The following PCDH7 variants were observed in gnomAD, a reference collection of about 807,000 sequenced individuals.
PCDH7 encodes protocadherin 7.
Under a neutral mutation model 58.9 loss-of-function variants are expected in PCDH7, and 17 were observed. The ratio of observed to expected loss-of-function variants is 0.29; its 90% confidence interval spans 0.20 to 0.43. The LOEUF is 0.43. PCDH7 is among the 20% of genes least tolerant of loss of function. The pLI, the probability that PCDH7 is intolerant of heterozygous loss-of-function variation, is 1.00. For missense variants in PCDH7, 1,274 were observed against 1,441.0 expected (o/e 0.88, Z 1.88); for synonymous variants, 664 against 616.4 (o/e 1.08, Z -1.14).
intron 3 of PCDH7, among the ~76,000 whole-genome samples, chr4:31,101,043 A>G (rs1442265152): frequency 6.6e-6 from 1 of 152,000 alleles, no homozygotes; most frequent in African/African-American, 2.4e-5. Flanking sequence ...ACAGGAGAGG[A>G]AAAAAAATGT....
At chr4:31,027,570 G>T (rs921906611) in intron 3 of PCDH7, among the ~76,000 whole-genome samples, 3 of 151,878 alleles carry the variant, frequency 2.0e-5, no homozygotes, top group African/African-American at 7.3e-5. Context: ...TTATAGCCAT[G>T]CACCACCACG....
intron 1 of PCDH7, among the ~76,000 whole-genome samples, chr4:30,868,010 T>C (rs950999516): frequency 6.6e-6 from 1 of 152,028 alleles, no homozygotes; most frequent in African/African-American, 2.4e-5. Flanking sequence ...TGAAGCCACA[T>C]TAGTTATTAT....
chr4:31,101,156 A>G (rs1256620006), intron 3 of PCDH7, among the ~76,000 whole-genome samples: 1 of 152,130 alleles, frequency 6.6e-6, no homozygotes, highest in Non-Finnish European at 1.5e-5. Flanking sequence ...AAATGAAAGT[A>G]ATGTATTAGC....
intron 1 of PCDH7, among the ~76,000 whole-genome samples, chr4:30,857,788 G>A (rs1733672293): frequency 6.6e-6 from 1 of 152,052 alleles, no homozygotes; most frequent in African/African-American, 2.4e-5. Flanking sequence ...ATTTATATTA[G>A]CCTTTTTTGT....
chr4:31,054,795 T>C (rs2109226474), intron 3 of PCDH7, among the ~76,000 whole-genome samples: 1 of 152,290 alleles, frequency 6.6e-6, no homozygotes, highest in South Asian at 2.1e-4. Flanking sequence ...TTTTTGTTGG[T>C]ATCGTTCAGG....
intron 3 of PCDH7, among the ~76,000 whole-genome samples, chr4:30,966,758 C>T (rs1311436622): frequency 6.6e-6 from 1 of 152,076 alleles, no homozygotes; most frequent in African/African-American, 2.4e-5. Flanking sequence ...GGGAACAAAA[C>T]TCTCCTCAGA....
At chr4:30,947,656 T>G (rs1231874911) in intron 2 of PCDH7, among the ~76,000 whole-genome samples, 3 of 152,208 alleles carry the variant, frequency 2.0e-5, no homozygotes, top group African/African-American at 7.2e-5. Context: ...TCAGAGTAAT[T>G]AGCATATGTC....
rs186690809 is a variant in PCDH7 at position 30,856,457 on chromosome 4, T to C, written c.71-63696T>C. The stretch of plus-strand genomic sequence containing the variant: ...AATACAGATTAAACTTTGAGCTTCT[T>C]AAATAATTCAAGATGATAGGATTTT... On this transcript the variant is annotated intron_variant, in intron 1 of 3. Coordinates refer to the PCDH7 transcript ENST00000509759. Among the ~76,000 whole-genome samples the C allele has an allele frequency of 8.4e-4, 128 of 152,174 alleles. 1 individual carries two copies. The highest frequency in any genetic ancestry group is 2.9e-3 in the African/African-American group (122 of 41,544).
intron 3 of PCDH7, among the ~76,000 whole-genome samples, chr4:31,054,368 A>G (rs968766861): frequency 2.0e-5 from 3 of 152,210 alleles, no homozygotes; most frequent in Non-Finnish European, 2.9e-5. Context: ...AGGGCTGAAA[A>G]TTATTAACAT....
At chr4:30,763,431 G>A (rs1008256961) in intron 1 of PCDH7, among the ~76,000 whole-genome samples, 3 of 152,108 alleles carry the variant, frequency 2.0e-5, no homozygotes, top group Non-Finnish European at 2.9e-5. Flanking sequence ...AAATTATTTC[G>A]AATGTCAACA....
At chr4:30,882,704 T>G (rs1737144322) in intron 1 of PCDH7, among the ~76,000 whole-genome samples, 1 of 152,212 alleles carries the variant, frequency 6.6e-6, no homozygotes, top group Admixed American at 6.5e-5. Context: ...CATGCTTTAC[T>G]CTTTGAAGAG....
chr4:31,004,199 T>G (rs1394032920), intron 3 of PCDH7, among the ~76,000 whole-genome samples: 1 of 152,016 alleles, frequency 6.6e-6, no homozygotes, highest in Non-Finnish European at 1.5e-5. Context: ...TTGTATGTAA[T>G]CGATAGTTAT....
chr4:31,091,211 T>C lies in PCDH7; in HGVS notation c.*8-51262T>C, dbSNP rs73812527. Among the ~76,000 whole-genome samples the C allele has an allele frequency of 5.2e-3, 789 of 152,100 alleles. 9 individuals carry two copies. The highest frequency in any genetic ancestry group is 0.018 in the African/African-American group (753 of 41,554). On this transcript the variant is annotated intron_variant, in intron 3 of 3. Coordinates refer to the PCDH7 transcript ENST00000509759. Reference sequence around the variant, plus strand: ...ATAATGAAATGCCTTCACTGACTGATAGATGCATCCAAACCTATTAAGAAT... The same window carrying C: ...ATAATGAAATGCCTTCACTGACTGACAGATGCATCCAAACCTATTAAGAAT...
At chr4:30,949,176 T>C (rs940136775) in intron 2 of PCDH7, among the ~76,000 whole-genome samples, 2 of 152,180 alleles carry the variant, frequency 1.3e-5, no homozygotes, top group Non-Finnish European at 2.9e-5. Context: ...ACATTACTTT[T>C]CTTCATAAAA....
intron 3 of PCDH7, among the ~76,000 whole-genome samples, chr4:31,113,872 C>T (rs1279971661): frequency 2.7e-4 from 35 of 131,186 alleles, no homozygotes; most frequent in African/African-American, 9.4e-4. Context: ...GTCACTCTGT[C>T]GCCTGGCTGG....
chr4:31,012,129 G>T (rs1753236161), intron 3 of PCDH7, among the ~76,000 whole-genome samples: 1 of 151,966 alleles, frequency 6.6e-6, no homozygotes, highest in South Asian at 2.1e-4. Context: ...ATTTAAAGCT[G>T]GCAAACATAG....
At chr4:30,830,266 T>C (rs533961864) in intron 1 of PCDH7, among the ~76,000 whole-genome samples, 5 of 152,214 alleles carry the variant, frequency 3.3e-5, no homozygotes, top group Admixed American at 3.3e-4. Flanking sequence ...TGTTAATGTA[T>C]GCAAGAACCA....
At chr4:30,775,990 C>T (rs1209067987) in intron 1 of PCDH7, among the ~76,000 whole-genome samples, 1 of 152,150 alleles carries the variant, frequency 6.6e-6, no homozygotes, top group African/African-American at 2.4e-5. Context: ...CCCTCTAAGA[C>T]ATAGAATGTT....
At chr4:31,072,018 A>G (rs1412512149) in intron 3 of PCDH7, among the ~76,000 whole-genome samples, 1 of 152,066 alleles carries the variant, frequency 6.6e-6, no homozygotes, top group Non-Finnish European at 1.5e-5. Context: ...AAGCTTGGAC[A>G]TGTAATGAAG....
Sources: allele counts gnomAD v4.1 joint callset (sites outside exome capture counted in the v4.1 genomes callset), GRCh38; gene constraint gnomAD v4.1.1; transcripts MANE v1.5; gene names NCBI Gene and HGNC (gene_info 2026-07-23, HGNC 2026-07-21).